Variants in ADAM32 observed in about 807,000 individuals in gnomAD.
ADAM32 encodes the protein ADAM metallopeptidase domain 32.
In ADAM32, 89 loss-of-function variants were observed where a neutral mutation model predicts 114.9. The ratio of observed to expected loss-of-function variants is 0.77; its 90% CI spans 0.65 to 0.92. The LOEUF is 0.92. Ranked by LOEUF, ADAM32 falls within the 40% of genes least tolerant of loss-of-function variation. The pLI, the probability that ADAM32 is intolerant of heterozygous loss-of-function variation, is 0.00. For missense variants in ADAM32, 870 were observed against 932.8 expected (o/e 0.93, Z 0.88); for synonymous variants, 285 against 307.5 (o/e 0.93, Z 0.77).
intron 3 of ADAM32, among the ~76,000 whole-genome samples, chr8:39,137,423 AG>A (rs1202144096): frequency 3.9e-5 from 6 of 152,198 alleles, no homozygotes. Flanking sequence ...GAGAAAACAA[AG>A]TATTTTGATT....
intron 11 of ADAM32, among the ~76,000 whole-genome samples, chr8:39,210,438 AT>A (rs2129448313): frequency 6.6e-6 from 1 of 152,230 alleles, no homozygotes; most frequent in South Asian, 2.1e-4. Flanking sequence ...TGCATGGATA[AT>A]TGTTCACTTC....
intron 3 of ADAM32, among the ~76,000 whole-genome samples, chr8:39,141,349 A>G (rs1423882113): frequency 2.0e-5 from 3 of 152,206 alleles, no homozygotes; most frequent in Non-Finnish European, 4.4e-5. Context: ...TTCCCTCTAC[A>G]CATTGCTTTA....
At chr8:39,247,002 T>C (rs566989534) in intron 17 of ADAM32, among the ~76,000 whole-genome samples, 24 of 152,274 alleles carry the variant, frequency 1.6e-4, no homozygotes, top group Admixed American at 1.0e-3. Context: ...ATGCATTTAA[T>C]GTTTCTCCGT....
At chr8:39,274,779 A>G (rs1812971730) in intron 21 of ADAM32, among the ~76,000 whole-genome samples, 1 of 152,246 alleles carries the variant, frequency 6.6e-6, no homozygotes, top group Non-Finnish European at 1.5e-5. Context: ...TGTTGTAGCC[A>G]TCACAACATC....
chr8:39,228,654 G>A (rs1809547749), intron 14 of ADAM32, among the ~76,000 whole-genome samples: 1 of 152,134 alleles, frequency 6.6e-6, no homozygotes, highest in Non-Finnish European at 1.5e-5. Context: ...AAGAAAATAT[G>A]AACAAAGCCT....
chr8:39,167,987 G>A (rs1416671557), intron 9 of ADAM32: 3 of 152,096 alleles, frequency 2.0e-5, no homozygotes, highest in Non-Finnish European at 2.9e-5. Flanking sequence ...ATCACCAAAC[G>A]TGACAGTTTG....
intron 2 of ADAM32, chr8:39,130,795 G>T: frequency 2.3e-6 from 1 of 428,878 alleles, no homozygotes; most frequent in South Asian, 1.7e-5. Flanking sequence ...ACTTTTTGTG[G>T]CCTAGAATAT....
At chr8:39,282,948 G>A (rs778402855) in intron 23 of ADAM32, among the ~76,000 whole-genome samples, 22 of 152,068 alleles carry the variant, frequency 1.4e-4, no homozygotes, top group Non-Finnish European at 1.6e-4. Flanking sequence ...GGTAGGGAAA[G>A]GACGAAAGAA....
chr8:39,170,901 A>G (rs984338491), intron 10 of ADAM32, among the ~76,000 whole-genome samples: 10 of 152,128 alleles, frequency 6.6e-5, no homozygotes, highest in African/African-American at 2.4e-4. Flanking sequence ...AGTAATGGGT[A>G]CAAAATTACA....
intron 5 of ADAM32, among the ~76,000 whole-genome samples, chr8:39,151,171 G>A (rs58146055): frequency 0.15 from 22,145 of 152,106 alleles, 1,800 homozygotes; most frequent in Middle Eastern, 0.26. Flanking sequence ...GACTTCTGCT[G>A]CTCTTACAAC....
intron 19 of ADAM32, among the ~76,000 whole-genome samples, chr8:39,269,893 G>C (rs1425717884): frequency 6.6e-6 from 1 of 152,186 alleles, no homozygotes; most frequent in Non-Finnish European, 1.5e-5. Context: ...TGGCTGGGAA[G>C]GCCTCAGGAA....
chr8:39,160,426 G>C (rs1447657809), intron 6 of ADAM32, among the ~76,000 whole-genome samples: 1 of 151,488 alleles, frequency 6.6e-6, no homozygotes, highest in African/African-American at 2.4e-5. Flanking sequence ...TGTAGTCCCA[G>C]CTACTCCGGA....
chr8:39,165,552 A>G (rs1804776887), intron 9 of ADAM32: 1 of 159,192 alleles, frequency 6.3e-6, no homozygotes, highest in African/African-American at 2.4e-5. Context: ...TGAGAGGTTT[A>G]CATTCTTAAA....
At chr8:39,118,882 A>T (rs1178215693) in intron 2 of ADAM32, among the ~76,000 whole-genome samples, 1 of 152,180 alleles carries the variant, frequency 6.6e-6, no homozygotes, top group Non-Finnish European at 1.5e-5. Context: ...GTTGCTATCA[A>T]TCCTAAAAAG....
rs1326633355 is a variant in ADAM32, at chr8:39,233,953, T to A, written c.1689T>A (p.His563Gln). 1 of 1,592,484 alleles carries A rather than the reference T, an allele frequency of 6.3e-7. No individual in the cohort carries two copies. Among genetic ancestry groups the A allele is most frequent in the South Asian group, 1.2e-5 (1 of 86,266 alleles). The change falls in exon 16 of 25, where the codon CAT (histidine) becomes CAA (glutamine). Residue 563 changes from histidine (H) to glutamine (Q), a missense_variant. By Grantham distance (24) the His-to-Gln change is conservative (BLOSUM62 0). Coordinates refer to ENST00000379907, the MANE Select transcript of ADAM32 (RefSeq NM_145004.7). ...CCTACCCTACTCGAAAGCCTTTCCA[T>A]CAAGAAAATGGTGATGTGATTTATG... ...VCTYPTRKPF[H>Q]QENGDVIYAF...
intron 19 of ADAM32, among the ~76,000 whole-genome samples, chr8:39,260,116 T>C (rs1313970902): frequency 6.6e-6 from 1 of 152,204 alleles, no homozygotes; most frequent in Non-Finnish European, 1.5e-5. Flanking sequence ...TTGCCTGATA[T>C]ATGTATATGC....
At chr8:39,125,780 AT>A (rs1383341435) in intron 2 of ADAM32, among the ~76,000 whole-genome samples, 1 of 151,808 alleles carries the variant, frequency 6.6e-6, no homozygotes, top group Non-Finnish European at 1.5e-5. Flanking sequence ...TTTCTTACAG[AT>A]TTTCTTACTT....
At chr8:39,265,939 A>G (rs1356865717) in intron 19 of ADAM32, among the ~76,000 whole-genome samples, 1 of 152,180 alleles carries the variant, frequency 6.6e-6, no homozygotes, top group Non-Finnish European at 1.5e-5. Flanking sequence ...TTGGCTGGAT[A>G]TACAGTTTTT....
At chr8:39,117,639 A>G (rs753241345) in intron 1 of ADAM32, among the ~76,000 whole-genome samples, 1 of 152,000 alleles carries the variant, frequency 6.6e-6, no homozygotes, top group African/African-American at 2.4e-5. Context: ...CCCCTTATAC[A>G]TAACATGATT....
Sources: gnomAD v4.1 joint callset for allele counts (sites outside exome capture counted in the v4.1 genomes callset) on GRCh38, gnomAD v4.1.1 for gene constraint, MANE v1.5 for transcripts, NCBI Gene and HGNC (gene_info 2026-07-23, HGNC 2026-07-21) for gene names.